RNF130: variants seen among roughly 807,000 people sequenced by gnomAD.
The protein encoded by RNF130 is E3 ubiquitin-protein ligase RNF130.
RNF130 carries 21 observed loss-of-function variants against 44.6 expected under a neutral mutation model. The ratio of observed to expected loss-of-function variants is 0.47; its 90% confidence interval spans 0.33 to 0.68. The LOEUF (loss-of-function observed/expected upper bound fraction) is 0.68. RNF130 is among the 30% of genes least tolerant of loss of function. RNF130 has a pLI of 0.02. For synonymous variants in RNF130, 214 were observed against 210.4 expected (o/e 1.02, Z -0.15); for missense variants, 479 against 560.6 (o/e 0.85, Z 1.47).
chr5:180,000,649 C>A (rs1353235443), intron 3 of RNF130, among the ~76,000 whole-genome samples: 1 of 152,040 alleles, frequency 6.6e-6, no homozygotes, highest in Non-Finnish European at 1.5e-5. Context: ...TTGAGAGATT[C>A]TTTCTTACAT....
chr5:180,065,224 A>G (rs891059358), intron 1 of RNF130, among the ~76,000 whole-genome samples: 1 of 151,978 alleles, frequency 6.6e-6, no homozygotes, highest in Admixed American at 6.6e-5. Flanking sequence ...TTCATGGAAA[A>G]TTTTCCCCTT....
At chr5:180,007,822 C>T (rs891373052) in intron 3 of RNF130, among the ~76,000 whole-genome samples, 1 of 152,186 alleles carries the variant, frequency 6.6e-6, no homozygotes, top group East Asian at 1.9e-4. Context: ...CTTCCAATAG[C>T]AGGCTCCTGG....
At chr5:180,026,003 A>G (rs1166025217) in intron 2 of RNF130, among the ~76,000 whole-genome samples, 1 of 152,104 alleles carries the variant, frequency 6.6e-6, no homozygotes, top group East Asian at 1.9e-4. Flanking sequence ...TATTTTACAA[A>G]GTGTGACATT....
chr5:180,065,908 C>T (rs1765096181), intron 1 of RNF130, among the ~76,000 whole-genome samples: 1 of 152,078 alleles, frequency 6.6e-6, no homozygotes, highest in Admixed American at 6.6e-5. Context: ...GAATAACTTT[C>T]AATTATTGTC....
At chr5:180,035,165 A>G (rs1764218460) in intron 2 of RNF130, among the ~76,000 whole-genome samples, 1 of 152,198 alleles carries the variant, frequency 6.6e-6, no homozygotes, top group East Asian at 1.9e-4. Flanking sequence ...CTAGGTATTT[A>G]AAGCTATTAA....
At chr5:180,007,336 G>C (rs1763483033) in intron 3 of RNF130, among the ~76,000 whole-genome samples, 1 of 152,192 alleles carries the variant, frequency 6.6e-6, no homozygotes, top group Non-Finnish European at 1.5e-5. Context: ...AGGAGGCAGA[G>C]GTTGCAGTGA....
chr5:179,970,423 G>A lies in RNF130; in HGVS notation c.932C>T (p.Ala311Val). Residue 311 changes from alanine (A) to valine (V), a missense_variant, in exon 6 of 9, where the codon GCC becomes GTC. Around this residue, in one of 3 missense-constraint regions of RNF130, gnomAD observed 161 missense variants for 158.6 expected, o/e 1.02. Coordinates refer to ENST00000521389, the MANE Select transcript of RNF130 (RefSeq NM_018434.6). ...TAGGAAACGTACCACAATTCCCAGG[G>A]CCTTCAATATATTAAGTTTGCACAT... is the stretch of plus-strand genomic sequence containing the variant. ...CPMCKLNILK[A>V]LGIVPNLPCT... 1 of 1,611,216 alleles carries A rather than the reference G, an allele frequency of 6.2e-7. No homozygotes were observed. The highest frequency in any genetic ancestry group is 8.5e-7 in the Non-Finnish European group (1 of 1,178,282).
intron 1 of RNF130, among the ~76,000 whole-genome samples, chr5:180,045,314 G>A (rs890539447): frequency 3.7e-4 from 57 of 152,298 alleles, no homozygotes; most frequent in African/African-American, 1.2e-3. Flanking sequence ...GAAGGAAGCC[G>A]CGGACCCTCA....
At chr5:180,018,187 C>T (rs576270723) in intron 2 of RNF130, among the ~76,000 whole-genome samples, 5 of 151,282 alleles carry the variant, frequency 3.3e-5, no homozygotes, top group Non-Finnish European at 7.4e-5. Context: ...CCCAGCTACT[C>T]GGGAGGCTGA....
intron 1 of RNF130, among the ~76,000 whole-genome samples, chr5:180,052,928 G>A (rs1764720656): frequency 6.6e-6 from 1 of 152,134 alleles, no homozygotes; most frequent in Non-Finnish European, 1.5e-5. Context: ...AAAATAATCA[G>A]TGACACTTGT....
intron 3 of RNF130, among the ~76,000 whole-genome samples, chr5:180,000,587 A>T (rs909638743): frequency 2.7e-5 from 4 of 150,460 alleles, no homozygotes; most frequent in African/African-American, 9.8e-5. Flanking sequence ...TTTCATTCTT[A>T]TTTCTTTTTT....
At position 179,963,570 on chromosome 5, in the gene RNF130, G is replaced by A. The variant is rs1762378054; in HGVS notation, c.1151-6C>T. The A allele has an allele frequency of 1.2e-6, 2 of 1,601,782 alleles. No homozygotes were observed. The highest frequency in any genetic ancestry group is 2.2e-5 in the East Asian group (1 of 44,738). ...GGCAATAATAAACCATTCTTCTGTT[G>A]ACAAAGGAAAGGGAGGAAATCACTC... On this transcript the variant is annotated splice_region_variant and splice_polypyrimidine_tract_variant and intron_variant, in intron 7 of 8. Coordinates refer to ENST00000521389, the MANE Select transcript of RNF130 (RefSeq NM_018434.6).
chr5:179,973,092 A>C (rs1249341623), intron 5 of RNF130, among the ~76,000 whole-genome samples: 2 of 151,984 alleles, frequency 1.3e-5, no homozygotes, highest in Non-Finnish European at 2.9e-5. Context: ...CTCTCCATCC[A>C]CCCCATCCCT....
intron 2 of RNF130, among the ~76,000 whole-genome samples, chr5:180,019,708 G>T: frequency 6.6e-6 from 1 of 152,204 alleles, no homozygotes; most frequent in East Asian, 1.9e-4. Flanking sequence ...CTGACAGATG[G>T]AGGTTATATC....
rs539283640 is a variant in RNF130 at position 180,006,178 on chromosome 5, C to T, written c.693+6883G>A. On this transcript the variant is annotated intron_variant, in intron 3 of 8. Coordinates refer to ENST00000521389, the MANE Select transcript of RNF130 (RefSeq NM_018434.6). ...GTTAATCCTTAAGAAACATAATGAA[C>T]AAAATTCACTCTGCCATCTAAAATG... Among the ~76,000 whole-genome samples the T allele has an allele frequency of 1.7e-4, 26 of 151,986 alleles. 1 individual carries two copies. The highest frequency in any genetic ancestry group is 3.4e-3 in the Middle Eastern group (1 of 294).
At chr5:179,958,742 A>G (rs1360689399) in intron 8 of RNF130, among the ~76,000 whole-genome samples, 2 of 152,040 alleles carry the variant, frequency 1.3e-5, no homozygotes, top group East Asian at 1.9e-4. Flanking sequence ...GCTGGAGTGC[A>G]ATGGGGCGAT....
chr5:180,068,138 ACAT>A (rs1299585055), intron 1 of RNF130, among the ~76,000 whole-genome samples: 1 of 152,216 alleles, frequency 6.6e-6, no homozygotes, highest in Non-Finnish European at 1.5e-5. Flanking sequence ...ATACATAATC[ACAT>A]CATCAACACA....
At chr5:180,000,272 T>G (rs1244196302) in intron 3 of RNF130, among the ~76,000 whole-genome samples, 1 of 152,230 alleles carries the variant, frequency 6.6e-6, no homozygotes, top group African/African-American at 2.4e-5. Context: ...AAAAATCTGT[T>G]TTTAGTCTAA....
At chr5:179,990,651 C>T (rs1020884516) in intron 3 of RNF130, among the ~76,000 whole-genome samples, 3 of 152,150 alleles carry the variant, frequency 2.0e-5, no homozygotes, top group Non-Finnish European at 4.4e-5. Flanking sequence ...TGACAGCTAC[C>T]GCTAGACCAT....
Sources: gnomAD v4.1 joint callset for allele counts (sites outside exome capture counted in the v4.1 genomes callset) on GRCh38, gnomAD v4.1.1 for gene constraint, gnomAD v4.1.1 regional missense constraint, MANE v1.5 for transcripts, NCBI Gene and HGNC (gene_info 2026-07-23, HGNC 2026-07-21) for gene names.